The following CDAN1 variants were observed in gnomAD, a reference collection of about 807,000 sequenced individuals.
The protein encoded by CDAN1 is codanin 1, also known as codanin-1.
A neutral mutation model predicts 139.8 loss-of-function variants in CDAN1; 107 were observed. The ratio of observed to expected loss-of-function variants is 0.77; its 90% confidence interval spans 0.65 to 0.90. The LOEUF is 0.90. Among genes scored for constraint, CDAN1 ranks in the 40% least tolerant of loss-of-function variants. The pLI, the probability that CDAN1 is intolerant of heterozygous loss-of-function variation, is 0.00. For missense variants in CDAN1, 1,667 were observed against 1,575.7 expected (o/e 1.06, Z -0.98); for synonymous variants, 776 against 660.6 (o/e 1.17, Z -2.68).
chr15:42,728,217 T>G lies in CDAN1; in HGVS notation c.2855A>C (p.Glu952Ala). 6.2e-7 allele frequency: 1 copy of G among 1,613,798 alleles called. No homozygotes were observed. The highest frequency in any genetic ancestry group is 8.5e-7 in the Non-Finnish European group (1 of 1,179,962). Residue 952 changes from glutamate to alanine, a missense_variant, in exon 21 of 28, where the codon GAG becomes GCG. By Grantham distance (107) the Glu-to-Ala change is moderately radical (BLOSUM62 -1). Around this residue, in one of 3 missense-constraint regions of CDAN1, gnomAD observed 936 missense variants for 844.1 expected, o/e 1.11. Coordinates refer to ENST00000356231, the MANE Select transcript of CDAN1 (RefSeq NM_138477.4). ...CCTCACACGTACGGCTGCCGGGGTC[T>G]CCTCTGGAAGCAGCGCCCGCACAGC... ...PGAVRALLPE[E>A]TPAAVLSSAE...
Position 42,726,339 on chromosome 15 carries a change from G to A in CDAN1, c.3175C>T (p.Gln1059Ter). The A allele has an allele frequency of 6.3e-7, 1 of 1,593,480 alleles. No homozygotes were observed. The highest frequency in any genetic ancestry group is 8.5e-7 in the Non-Finnish European group (1 of 1,170,198). ...SPEHLEQLLG[Q>*]LGQTLRCRQF... ...CGGCACCGCAGCGTCTGGCCCAGCT[G>A]GCCTAGGAGCTGTTCCAGATGCTCT... Residue 1059 changes from glutamine to a stop codon, truncating the protein, a stop_gained, in exon 24 of 28, where the codon CAG becomes TAG. Transcript: ENST00000356231. LOFTEE classifies it high-confidence loss of function.
intron 8 of CDAN1, 151 bp downstream of exon 8, chr15:42,733,787 G>A (rs1279968514): frequency 1.5e-6 from 1 of 674,624 alleles, no homozygotes; most frequent in Non-Finnish European, 2.7e-6. Flanking sequence ...ATGAAGCCAG[G>A]TGGTCCCTAT....
At chr15:42,730,519 C>A in intron 14 of CDAN1, 79 bp downstream of exon 14, 1 of 1,532,884 alleles carries the variant, frequency 6.5e-7, no homozygotes, top group Non-Finnish European at 9.0e-7. Flanking sequence ...GACTGCTCGA[C>A]CCTCTTTATT....
intron 23 of CDAN1, chr15:42,727,037 T>C (rs1438437304): frequency 1.3e-5 from 2 of 155,870 alleles, no homozygotes; most frequent in Non-Finnish European, 2.8e-5. Context: ...GCAACTCTGC[T>C]GTTCAGTAGT....
rs771288663 is a variant in CDAN1 at position 42,735,506 on chromosome 15, T to A, written c.943+4A>T. ...CCACTCCCGCTCCCTCCGCTCTCAC[T>A]CACCAGCAATGCACGAGGAGTAAAC... On this transcript the variant is annotated splice_donor_region_variant and intron_variant, in intron 4 of 27. Transcript: ENST00000356231. 39 of 1,614,080 alleles carry A rather than the reference T, an allele frequency of 2.4e-5. No homozygotes were observed. The highest frequency in any genetic ancestry group is 3.3e-5 in the Admixed American group (2 of 60,004).
At chr15:42,733,278 C>CATT in intron 8 of CDAN1, 92 bp from the exon 9 acceptor site, 1 of 838,306 alleles carries the variant, frequency 1.2e-6, no homozygotes, top group Non-Finnish European at 1.9e-6. Context: ...CACCCACCAC[C>CATT]TTTTTTTTTT....
Position 42,729,080 on chromosome 15 carries a change from C to A in CDAN1, c.2588G>T (p.Arg863Leu), listed in dbSNP as rs147564414. ...TTCTGCCACGAACTCTACGGTCCGG[C>A]GCAAGGAGGGCGGCTGGTTGTGGAA... ...AFFHNQPPSL[R>L]RTVEFVAERI... is the part of the protein sequence containing the mutation. The change falls in exon 19 of 28, where the codon CGC becomes CTC. Residue 863 changes from arginine (R) to leucine (L), a missense_variant. Around this residue, in one of 3 missense-constraint regions of CDAN1, gnomAD observed 936 missense variants for 844.1 expected, o/e 1.11. Transcript: ENST00000356231. 6.2e-7 allele frequency: 1 copy of A among 1,614,236 alleles called. No homozygotes were observed. The highest frequency in any genetic ancestry group is 1.7e-5 in the Admixed American group (1 of 60,028).
In CDAN1 at chr15:42,725,947, G is replaced by C. The variant is rs568244733; in HGVS notation, c.3268+150C>G. The C allele has an allele frequency of 8.5e-4, 637 of 748,170 alleles. 1 individual carries two copies. The African/African-American group carries it at 0.012, about 14-fold the overall frequency. 46.3% of individuals were successfully genotyped at this position (748,170 alleles called of 1,614,324 possible). A position where few individuals can be genotyped will look rare whatever the true frequency, so the allele number is the denominator to read the frequency against. Reference sequence around the variant, plus strand: ...GCTAAGATCGTGCCACTGCACTCCAGCCTGGGCAACAGAACAAGATTCCGT... The same window carrying C: ...GCTAAGATCGTGCCACTGCACTCCACCCTGGGCAACAGAACAAGATTCCGT... On this transcript the variant is annotated intron_variant, in intron 25 of 27. Transcript: ENST00000356231.
At position 42,729,316 on chromosome 15, in the gene CDAN1, T is replaced by A. The variant is rs1167690494; in HGVS notation, c.2454A>T (p.Gly818=). The change falls in exon 18 of 28, where the codon GGA becomes GGT. Residue 818 remains glycine, a synonymous_variant. Coordinates refer to ENST00000356231, the MANE Select transcript of CDAN1 (RefSeq NM_138477.4). The stretch of plus-strand genomic sequence containing the variant: ...TTTTCCTCATGAAGCCCCCACTCCG[T>A]CCACTACTGCCTGACACCCACGAAG... ...LLASWVSGSS[G]RSGGFMRKIT... 4 of 1,614,044 alleles carry A rather than the reference T, an allele frequency of 2.5e-6. No homozygotes were observed. In the South Asian group the frequency reaches 4.4e-5, roughly 18 times the overall value.
At position 42,724,253 on chromosome 15, in the gene CDAN1, C is replaced by A; in HGVS notation, c.*238G>T. ...AAGAGATAAACAAACACCACCTCTTCTACTCCAGGACTGGCATCTCTGGAC... is the reference window on the plus strand; with the variant it reads ...AAGAGATAAACAAACACCACCTCTTATACTCCAGGACTGGCATCTCTGGAC... On this transcript the variant is annotated 3_prime_UTR_variant, in exon 28 of 28. Transcript: ENST00000356231. The A allele has an allele frequency of 1.9e-6, 1 of 531,168 alleles. No homozygotes were observed. Among genetic ancestry groups the A allele is most frequent in the South Asian group, 2.0e-5 (1 of 50,696 alleles). The allele number at this position is 531,168 out of a possible 1,614,324, so 32.9% of individuals were successfully genotyped here.
In CDAN1 at chr15:42,725,482, G is replaced by T. The variant is rs770445283; in HGVS notation, c.3450+7C>A. Reference sequence around the variant, plus strand: ...CTGCAGAGGGCTTCTTGTTCCGTCTGACTCACCTCCCTTGGCCTTGTGTCT... The same window carrying T: ...CTGCAGAGGGCTTCTTGTTCCGTCTTACTCACCTCCCTTGGCCTTGTGTCT... On this transcript the variant is annotated splice_region_variant and intron_variant, in intron 26 of 27. Coordinates refer to ENST00000356231, the MANE Select transcript of CDAN1 (RefSeq NM_138477.4). 2 of 1,613,988 alleles carry T rather than the reference G, an allele frequency of 1.2e-6. No individual in the cohort carries two copies. The highest frequency in any genetic ancestry group is 1.7e-6 in the Non-Finnish European group (2 of 1,180,028).
rs562819613 is a variant in CDAN1 at position 42,727,629 on chromosome 15, C to G, written c.3088G>C (p.Glu1030Gln). The change falls in exon 23 of 28, where the codon GAG (glutamate) becomes CAG (glutamine). Residue 1030 changes from glutamate (E) to glutamine (Q), a missense_variant. Around this residue, in one of 3 missense-constraint regions of CDAN1, gnomAD observed 936 missense variants for 844.1 expected, o/e 1.11. Transcript: ENST00000356231. ...HAPLPSHLIS[E>Q]IKDVLSLAVG... ...GTAGGGTAGCCGTGTACTTTTATCT[C>G]GGAGATGAGGTGGGAGGGGAGGGGA... 8.9e-6 allele frequency: 14 copies of G among 1,572,300 alleles called. No homozygotes were observed. The highest frequency in any genetic ancestry group is 2.3e-5 in the East Asian group (1 of 43,690).
rs748066836 is a variant in CDAN1 at position 42,725,280 on chromosome 15, T to C, written c.3451-29A>G. On this transcript the variant is annotated intron_variant, in intron 26 of 27. Transcript: ENST00000356231. ...CAAAACACACCGAGGTCAGGGTTGC[T>C]AGGAGGACGACAGAGTGACCCTGAT... 6 of 1,600,478 alleles carry C rather than the reference T, an allele frequency of 3.7e-6. No individual in the cohort carries two copies. The East Asian group carries it at 1.3e-4, about 36-fold the overall frequency.
intron 25 of CDAN1, 54 bp downstream of exon 25, chr15:42,726,043 C>A: frequency 7.0e-7 from 1 of 1,434,914 alleles, no homozygotes; most frequent in Non-Finnish European, 9.8e-7. Flanking sequence ...TTGTACCCAA[C>A]CCTGAGATTT....
chr15:42,725,609 A>C lies in CDAN1; in HGVS notation c.3330T>G (p.Ala1110=), dbSNP rs1231936126. The C allele has an allele frequency of 2.5e-6, 4 of 1,614,168 alleles. No individual in the cohort carries two copies. The highest frequency in any genetic ancestry group is 3.4e-6 in the Non-Finnish European group (4 of 1,180,042). The part of the protein sequence containing the change: ...PAQYRLERGQ[A]RRLLHMLLSL... ...AAAGCAGCATGTGCAGAAGCCTTCG[A>C]GCCTGCCCTCTCTCCAGCCTGTACT... Residue 1110 remains alanine, a synonymous_variant, in exon 26 of 28, where the codon GCT becomes GCG. Coordinates refer to ENST00000356231, the MANE Select transcript of CDAN1 (RefSeq NM_138477.4).
At position 42,729,311 on chromosome 15, in the gene CDAN1, C is replaced by A. The variant is rs1374407331; in HGVS notation, c.2459G>T (p.Ser820Ile). The A allele has an allele frequency of 3.1e-6, 5 of 1,614,138 alleles. No homozygotes were observed. The Admixed American group carries it at 8.3e-5, about 27-fold the overall frequency. ...ASWVSGSSGR[S>I]GGFMRKITPT... ...GGTGATTTTCCTCATGAAGCCCCCA[C>A]TCCGTCCACTACTGCCTGACACCCA... The change falls in exon 18 of 28, where the codon AGT (serine) becomes ATT (isoleucine). Residue 820 changes from serine to isoleucine, a missense_variant. Ser to Ile is a moderately radical substitution (Grantham distance 142). This residue lies in a region of CDAN1 where 936 missense variants were observed against 844.1 expected (regional missense o/e 1.11). Transcript: ENST00000356231.
rs776470831 is a variant in CDAN1 at position 42,734,194 on chromosome 15, A to C, written c.1257+32T>G. ...ATGAAAGCTAGGAAGGGTTAGGTCC[A>C]GGCTAGTGGGCAACTAAGCTGGGGT... On this transcript the variant is annotated intron_variant, in intron 7 of 27. Coordinates refer to ENST00000356231, the MANE Select transcript of CDAN1 (RefSeq NM_138477.4). 1.9e-6 allele frequency: 3 copies of C among 1,614,082 alleles called. No individual in the cohort carries two copies. The Admixed American group carries it at 5.0e-5, about 27-fold the overall frequency.
At chr15:42,732,016 A>G (rs1033651450) in intron 10 of CDAN1, among the ~76,000 whole-genome samples, 191 bp from the exon 11 acceptor site, 10 of 152,260 alleles carry the variant, frequency 6.6e-5, no homozygotes, top group African/African-American at 2.4e-4. Flanking sequence ...AAGGTTAAGC[A>G]TGTGCCTAGG....
intron 20 of CDAN1, 144 bp from the exon 21 acceptor site, chr15:42,728,411 G>T (rs1388099394): frequency 1.1e-6 from 1 of 937,976 alleles, no homozygotes; most frequent in Non-Finnish European, 1.7e-6. Flanking sequence ...CACCCCAGGT[G>T]CCAGAGAAAA....
Sources: allele counts gnomAD v4.1 joint callset (sites outside exome capture counted in the v4.1 genomes callset), GRCh38; gene constraint gnomAD v4.1.1; regional missense constraint gnomAD v4.1.1; transcripts MANE v1.5; gene names NCBI Gene and HGNC (gene_info 2026-07-23, HGNC 2026-07-21).